The following KCNN3 variants were observed in gnomAD, a reference collection of about 807,000 sequenced individuals.
The protein encoded by KCNN3 is potassium calcium-activated channel subfamily N member 3, also known as small conductance calcium-activated potassium channel protein 3.
A neutral mutation model predicts 62.9 loss-of-function variants in KCNN3; 16 were observed. The observed-to-expected ratio is 0.25, with a 90% CI of 0.17 to 0.39. KCNN3 has a LOEUF of 0.39. Ranked by LOEUF, KCNN3 falls within the 10% of genes least tolerant of loss-of-function variation. The pLI is 1.00. For synonymous variants in KCNN3, 370 were observed against 389.2 expected (o/e 0.95, Z 0.58); for missense variants, 599 against 949.4 (o/e 0.63, Z 4.85).
chr1:154,791,400 GC>G, intron 2 of KCNN3, among the ~76,000 whole-genome samples: 2 of 151,772 alleles, frequency 1.3e-5, no homozygotes, highest in East Asian at 3.9e-4. Context: ...ACAGATGTCT[GC>G]CCGCGACAGC....
chr1:154,761,319 T>G (rs1648001838), intron 3 of KCNN3, among the ~76,000 whole-genome samples: 1 of 151,998 alleles, frequency 6.6e-6, no homozygotes, highest in Non-Finnish European at 1.5e-5. Context: ...AATACAAAAA[T>G]TAGCCGGGCA....
intron 3 of KCNN3, among the ~76,000 whole-genome samples, chr1:154,761,374 A>G (rs1253669935): frequency 6.6e-6 from 1 of 152,132 alleles, no homozygotes; most frequent in Non-Finnish European, 1.5e-5. Flanking sequence ...AGGGTGAGGC[A>G]TGAGAATAGT....
chr1:154,813,835 C>T lies in KCNN3; in HGVS notation c.1029+8254G>A, dbSNP rs543448427. ...ACGAGCACACCCACCCCATCGGAGA[C>T]GCCAGCCAGGGCCAGGGAGAGCAGC... On this transcript the variant is annotated intron_variant, in intron 2 of 7. Coordinates refer to ENST00000271915, the MANE Select transcript of KCNN3 (RefSeq NM_002249.6). Among the ~76,000 whole-genome samples the T allele has an allele frequency of 1.8e-4, 28 of 152,334 alleles. No homozygotes were observed. In the East Asian group the frequency reaches 3.9e-3, roughly 21 times the overall value.
chr1:154,830,839 C>A (rs939284782), intron 1 of KCNN3, among the ~76,000 whole-genome samples: 1 of 152,140 alleles, frequency 6.6e-6, no homozygotes, highest in Admixed American at 6.5e-5. Context: ...TGTGTGATGT[C>A]CCAAGGAAGG....
chr1:154,752,723 C>G (rs925610555), intron 3 of KCNN3, among the ~76,000 whole-genome samples: 24 of 152,172 alleles, frequency 1.6e-4, no homozygotes, highest in African/African-American at 5.8e-4. Context: ...CAGACATTAT[C>G]ACACAGACAT....
intron 2 of KCNN3, among the ~76,000 whole-genome samples, chr1:154,784,566 C>T (rs1454739248): frequency 6.6e-6 from 1 of 152,222 alleles, no homozygotes; most frequent in East Asian, 1.9e-4. Flanking sequence ...TGGGTGCCTT[C>T]CTCCAGTATT....
intron 1 of KCNN3, among the ~76,000 whole-genome samples, chr1:154,836,489 T>C (rs1302252720): frequency 6.6e-6 from 1 of 152,216 alleles, no homozygotes; most frequent in African/African-American, 2.4e-5. Flanking sequence ...CGACCCCACT[T>C]GCCAGGGCAG....
In KCNN3 at chr1:154,750,566, G is replaced by T. The variant is rs185525909; in HGVS notation, c.1449-17422C>A. ...CTCCCTCTCTTCATCTGGGAAGGGT[G>T]GGGGGCTGGGTCCATGTGCATTAGG... On this transcript the variant is annotated intron_variant, in intron 3 of 7. Transcript: ENST00000271915. 3.5e-3 allele frequency among the ~76,000 whole-genome samples: 537 copies of T among 152,194 alleles called. 7 individuals are homozygous for T. Among genetic ancestry groups the T allele is most frequent in the South Asian group, 0.025 (121 of 4,808 alleles).
intron 1 of KCNN3, among the ~76,000 whole-genome samples, chr1:154,838,639 G>A (rs998889550): frequency 2.0e-5 from 3 of 152,112 alleles, no homozygotes; most frequent in South Asian, 4.1e-4. Flanking sequence ...CTTCAGGACC[G>A]GCTCCGTTCT....
At chr1:154,773,175 C>G (rs911797464) in intron 2 of KCNN3, among the ~76,000 whole-genome samples, 2 of 152,152 alleles carry the variant, frequency 1.3e-5, no homozygotes, top group African/African-American at 4.8e-5. Flanking sequence ...ACTCTCCACC[C>G]TCAGTGTCTG....
intron 7 of KCNN3, among the ~76,000 whole-genome samples, chr1:154,711,096 A>C (rs897796524): frequency 9.2e-5 from 14 of 152,254 alleles, no homozygotes; most frequent in African/African-American, 3.4e-4. Flanking sequence ...ACCAACCCAA[A>C]TGTCTGACAA....
intron 1 of KCNN3, among the ~76,000 whole-genome samples, chr1:154,832,985 A>C (rs1651433937): frequency 6.6e-6 from 1 of 152,206 alleles, no homozygotes; most frequent in South Asian, 2.1e-4. Flanking sequence ...ATAGCCACAG[A>C]GAGGTATGTG....
intron 3 of KCNN3, among the ~76,000 whole-genome samples, chr1:154,769,790 T>C (rs1648466313): frequency 6.6e-6 from 1 of 152,212 alleles, no homozygotes; most frequent in African/African-American, 2.4e-5. Flanking sequence ...AGGAAGAGTA[T>C]AGGCCCATGT....
At chr1:154,714,481 T>C in intron 6 of KCNN3, among the ~76,000 whole-genome samples, 1 of 127,386 alleles carries the variant, frequency 7.9e-6, no homozygotes, top group Non-Finnish European at 1.7e-5. Flanking sequence ...ATGGTGTGTG[T>C]GTGGTTTGTG....
intron 2 of KCNN3, among the ~76,000 whole-genome samples, chr1:154,787,357 G>A (rs997647157): frequency 4.6e-5 from 7 of 152,262 alleles, no homozygotes; most frequent in African/African-American, 1.7e-4. Flanking sequence ...CCAGGGCCAG[G>A]GCATGCGGCA....
chr1:154,747,950 G>T (rs561167348), intron 3 of KCNN3, among the ~76,000 whole-genome samples: 2 of 152,096 alleles, frequency 1.3e-5, no homozygotes, highest in Non-Finnish European at 2.9e-5. Flanking sequence ...CCGGAAAGCC[G>T]TCCCGGATCA....
intron 7 of KCNN3, 122 bp from the exon 8 acceptor site, chr1:154,708,394 G>C: frequency 1.0e-6 from 1 of 978,440 alleles, no homozygotes. Flanking sequence ...CAGCTGATCT[G>C]GTCAAGGAAG....
intron 2 of KCNN3, among the ~76,000 whole-genome samples, chr1:154,798,550 C>T (rs578219730): frequency 6.6e-6 from 1 of 152,214 alleles, no homozygotes; most frequent in East Asian, 1.9e-4. Context: ...GAATACACTA[C>T]TAATTCAGGA....
chr1:154,715,721 C>T (rs11264248), intron 5 of KCNN3, among the ~76,000 whole-genome samples: 76,412 of 151,864 alleles, frequency 0.5, 19,646 homozygotes, highest in East Asian at 0.67. Context: ...CCCGGGGTCC[C>T]CTTGGAAAAT....
Sources: gnomAD v4.1 joint callset for allele counts (sites outside exome capture counted in the v4.1 genomes callset) on GRCh38, gnomAD v4.1.1 for gene constraint, MANE v1.5 for transcripts, NCBI Gene and HGNC (gene_info 2026-07-23, HGNC 2026-07-21) for gene names.